The following CRAMP1 variants were observed in gnomAD, a reference collection of about 807,000 sequenced individuals.
CRAMP1 encodes protein cramped-like.
Under a neutral mutation model 115.4 loss-of-function variants are expected in CRAMP1, and 50 were observed. The ratio of observed to expected loss-of-function variants is 0.43; its 90% confidence interval spans 0.35 to 0.55. The LOEUF is 0.55. CRAMP1 is among the 20% of genes least tolerant of loss of function. The probability of loss-of-function intolerance (pLI) is 0.01; values close to 1 mark genes in which losing one functional copy is unlikely to be tolerated. For synonymous variants in CRAMP1, 866 were observed against 745.4 expected, an observed-to-expected ratio of 1.16 and a Z score of -2.64; for missense variants, 1,679 against 1,721.7, an observed-to-expected ratio of 0.98 and a Z score of 0.44.
chr16:1,634,657 A>G (rs1212796932), intron 4 of CRAMP1, among the ~76,000 whole-genome samples: 1 of 151,288 alleles, frequency 6.6e-6, no homozygotes, highest in Non-Finnish European at 1.5e-5. Flanking sequence ...TGTTGAGCTC[A>G]CCGTTCTCCC....
Position 1,674,733 on chromosome 16 carries a change from A to G in CRAMP1, c.*688A>G, listed in dbSNP as rs761595595. ...ACTATGCAGGTTGTGTGGACTTTAC[A>G]TGGGACCCTGCTAAGCTGGTTGAAA... is the stretch of plus-strand genomic sequence containing the variant. On this transcript the variant is annotated 3_prime_UTR_variant, in exon 21 of 21. Coordinates refer to ENST00000397412, the MANE Select transcript of CRAMP1 (RefSeq NM_020825.4). The G allele has an allele frequency of 2.0e-5, 3 of 152,288 alleles. No homozygotes were observed. The highest frequency in any genetic ancestry group is 4.8e-5 in the African/African-American group (2 of 41,434). 9.4% of individuals were successfully genotyped at this position (152,288 alleles called of 1,614,324 possible).
chr16:1,616,134 G>A (rs1309947252), intron 2 of CRAMP1, among the ~76,000 whole-genome samples: 1 of 152,228 alleles, frequency 6.6e-6, no homozygotes, highest in Non-Finnish European at 1.5e-5. Flanking sequence ...GCATGTTTCA[G>A]AATTTAAAAC....
chr16:1,675,870 C>T lies in CRAMP1; in HGVS notation c.*1825C>T, dbSNP rs1197812928. The T allele has an allele frequency of 6.6e-6, 1 of 152,288 alleles. No homozygotes were observed. The highest frequency in any genetic ancestry group is 1.5e-5 in the Non-Finnish European group (1 of 68,064). The allele number at this position is 152,288 out of a possible 1,614,324, so 9.4% of individuals were successfully genotyped here. ...GAGAGAGACAGCAGTGTTTGAACTACAGCATCTTTACACTAGCTTGTGTTT... is the reference window on the plus strand; with the variant it reads ...GAGAGAGACAGCAGTGTTTGAACTATAGCATCTTTACACTAGCTTGTGTTT... On this transcript the variant is annotated 3_prime_UTR_variant, in exon 21 of 21. Transcript: ENST00000397412.
At chr16:1,646,213 T>A (rs1159633139) in intron 6 of CRAMP1, among the ~76,000 whole-genome samples, 1 of 152,200 alleles carries the variant, frequency 6.6e-6, no homozygotes, top group Non-Finnish European at 1.5e-5. Flanking sequence ...TTAGTGTTGA[T>A]GAAGAAGTGC....
intron 2 of CRAMP1, among the ~76,000 whole-genome samples, chr16:1,624,936 A>G (rs761299269): frequency 1.3e-5 from 2 of 151,898 alleles, no homozygotes; most frequent in Non-Finnish European, 2.9e-5. Context: ...CATGTTGCGC[A>G]TGCTGGTCTC....
At chr16:1,646,912 CA>C (rs2036680016) in intron 6 of CRAMP1, 2 of 618,146 alleles carry the variant, frequency 3.2e-6, no homozygotes, top group African/African-American at 3.6e-5. Flanking sequence ...GTCTCTCCTC[CA>C]TTGAGTGGCC....
At chr16:1,618,051 C>T (rs530117198) in intron 2 of CRAMP1, among the ~76,000 whole-genome samples, 10 of 152,328 alleles carry the variant, frequency 6.6e-5, no homozygotes, top group South Asian at 6.2e-4. Flanking sequence ...CTGGAGATTT[C>T]GGCTTAGAGC....
At chr16:1,635,822 G>A (rs187062116) in intron 4 of CRAMP1, among the ~76,000 whole-genome samples, 2 of 152,252 alleles carry the variant, frequency 1.3e-5, no homozygotes, top group Admixed American at 1.3e-4. Flanking sequence ...CCCGGTGCTG[G>A]GAGCCCTCAG....
chr16:1,673,704 G>GC (rs2036942359), intron 20 of CRAMP1, among the ~76,000 whole-genome samples, 177 bp from the exon 21 acceptor site: 1 of 152,260 alleles, frequency 6.6e-6, no homozygotes, highest in Admixed American at 6.5e-5. Context: ...TATCTAAAGA[G>GC]TGTGCGGGCA....
At position 1,666,734 on chromosome 16, in the gene CRAMP1, A is replaced by G. The variant is rs2142207110; in HGVS notation, c.3036+134A>G. 6.3e-6 allele frequency: 5 copies of G among 796,858 alleles called. No individual in the cohort carries two copies. The highest frequency in any genetic ancestry group is 5.0e-5 in the South Asian group (3 of 59,564). The allele number at this position is 796,858 out of a possible 1,614,324, so 49.4% of individuals were successfully genotyped here. ...GTCTCTGGACCAGGGGTGCCATGGC[A>G]TAAGCAAACTCTGTGTAGTACAGAG... On this transcript the variant is annotated intron_variant, in intron 16 of 20. Coordinates refer to ENST00000397412, the MANE Select transcript of CRAMP1 (RefSeq NM_020825.4). This position sits in a 1 kb window ranked among gnomAD's most constrained non-coding sequence, Gnocchi z 5.0.
Position 1,666,755 on chromosome 16 carries a change from C to T in CRAMP1, c.3036+155C>T, listed in dbSNP as rs531926017. On this transcript the variant is annotated intron_variant, in intron 16 of 20. Coordinates refer to ENST00000397412, the MANE Select transcript of CRAMP1 (RefSeq NM_020825.4). The surrounding 1 kb of genome is among the most constrained non-coding windows in gnomAD (Gnocchi z 5.0). ...TGGCATAAGCAAACTCTGTGTAGTA[C>T]AGAGCAGGAGAGGCCTCCGGAGCCA... Among the ~76,000 whole-genome samples, 1 of 152,358 alleles carries T rather than the reference C, an allele frequency of 6.6e-6. No homozygotes were observed. Among genetic ancestry groups the T allele is most frequent in the South Asian group, 2.1e-4 (1 of 4,830 alleles).
chr16:1,662,465 C>A, intron 11 of CRAMP1, 25 bp from the exon 12 acceptor site: 1 of 1,594,192 alleles, frequency 6.3e-7, no homozygotes, highest in Non-Finnish European at 8.6e-7. Context: ...TGCTGTCACA[C>A]TGATTCTCTC....
At position 1,612,445 on chromosome 16, in the gene CRAMP1, T is replaced by A. The variant is rs1050866067; in HGVS notation, c.-214T>A. 2.6e-5 allele frequency: 4 copies of A among 151,162 alleles called. No homozygotes were observed. Among genetic ancestry groups the A allele is most frequent in the Non-Finnish European group, 4.4e-5 (3 of 67,648 alleles). The allele number at this position is 151,162 out of a possible 1,614,324, so 9.4% of individuals were successfully genotyped here. ...AGGGTGAGTGGCGGCAGTATCTGCG[T>A]CCGCAGCCCCCGCAGCCGCGCGCCG... On this transcript the variant is annotated 5_prime_UTR_variant, in exon 1 of 21. Transcript: ENST00000397412.
At position 1,672,940 on chromosome 16, in the gene CRAMP1, C is replaced by A. The variant is rs1218986576; in HGVS notation, c.3646-941C>A. ...CCTGTCTCAGGGAACATGCCTGTTG[C>A]TTCTTTAAAAAGGAACGTACTCCCC... On this transcript the variant is annotated intron_variant, in intron 20 of 20. Transcript: ENST00000397412. This position sits in a 1 kb window ranked among gnomAD's most constrained non-coding sequence, Gnocchi z 4.9. Among the ~76,000 whole-genome samples, 5 of 152,270 alleles carry A rather than the reference C, an allele frequency of 3.3e-5. No homozygotes were observed. The highest frequency in any genetic ancestry group is 1.2e-4 in the African/African-American group (5 of 41,476).
Position 1,612,408 on chromosome 16 carries a change from G to C in CRAMP1, c.-251G>C, listed in dbSNP as rs1321297909. ...CCGGAACTGCTGCTGAGGGCGGCGG[G>C]CCGGCTTCGCTAGGGTGAGTGGCGG... On this transcript the variant is annotated 5_prime_UTR_variant, in exon 1 of 21. Transcript: ENST00000397412. 6 of 151,416 alleles carry C rather than the reference G, an allele frequency of 4.0e-5. No homozygotes were observed. The highest frequency in any genetic ancestry group is 8.9e-5 in the Non-Finnish European group (6 of 67,754). 9.4% of individuals were successfully genotyped at this position (151,416 alleles called of 1,614,324 possible). A position where few individuals can be genotyped will look rare whatever the true frequency, so the allele number is the denominator to read the frequency against.
chr16:1,670,473 G>A (rs1377316693), intron 19 of CRAMP1, 191 bp from the exon 20 acceptor site: 8 of 626,522 alleles, frequency 1.3e-5, no homozygotes, highest in Non-Finnish European at 1.7e-5. Flanking sequence ...CTGTATGCAC[G>A]AAGGCCTGTT....
At chr16:1,647,360 C>A (rs1043499428) in intron 6 of CRAMP1, among the ~76,000 whole-genome samples, 2 of 152,170 alleles carry the variant, frequency 1.3e-5, no homozygotes, top group African/African-American at 4.8e-5. Context: ...GTATCCGAAA[C>A]GAAAGCCAGG....
intron 6 of CRAMP1, among the ~76,000 whole-genome samples, chr16:1,643,516 G>A (rs1020208799): frequency 5.8e-4 from 88 of 151,956 alleles, no homozygotes; most frequent in African/African-American, 1.7e-3. Flanking sequence ...GCTCCAGCCT[G>A]GGTGACAGAG....
intron 13 of CRAMP1, 75 bp downstream of exon 13, chr16:1,662,910 C>A: frequency 8.5e-7 from 1 of 1,183,064 alleles, no homozygotes; most frequent in Non-Finnish European, 1.2e-6. Context: ...TTCCCTCTCT[C>A]ACATTTTCAT....
Sources: allele counts gnomAD v4.1 joint callset (sites outside exome capture counted in the v4.1 genomes callset), GRCh38; gene constraint gnomAD v4.1.1; non-coding constraint Gnocchi (gnomAD v3.1); transcripts MANE v1.5; gene names NCBI Gene and HGNC (gene_info 2026-07-23, HGNC 2026-07-21).